The following AGAP1 variants were observed in gnomAD, a reference collection of about 807,000 sequenced individuals.
AGAP1 encodes the protein ArfGAP with GTPase domain, ankyrin repeat and PH domain 1, also known as arf-GAP with GTPase, ANK repeat and PH domain-containing protein 1.
Under a neutral mutation model 105.3 loss-of-function variants are expected in AGAP1, and 29 were observed. That is an observed-to-expected ratio of 0.28 (90% CI 0.21 to 0.38). AGAP1 has a LOEUF of 0.38. AGAP1 is among the 10% of genes least tolerant of loss of function. AGAP1 has a pLI of 1.00. For missense variants in AGAP1, 998 were observed against 1,165.1 expected, an observed-to-expected ratio of 0.86 and a Z score of 2.09; for synonymous variants, 509 against 485.9, an observed-to-expected ratio of 1.05 and a Z score of -0.63.
chr2:235,772,430 C>T (rs1296329027), intron 6 of AGAP1, among the ~76,000 whole-genome samples: 1 of 152,166 alleles, frequency 6.6e-6, no homozygotes, highest in Non-Finnish European at 1.5e-5. Flanking sequence ...CACCAGCAGG[C>T]GCATGTATTC....
chr2:235,557,097 T>G lies in AGAP1; in HGVS notation c.163+62248T>G, dbSNP rs1444205540. 3.3e-5 allele frequency among the ~76,000 whole-genome samples: 5 copies of G among 152,082 alleles called. No homozygotes were observed. Among genetic ancestry groups the G allele is most frequent in the Non-Finnish European group, 5.9e-5 (4 of 68,008 alleles). ...TAGGGGACTGGGTCCTGGGGTGAGC[T>G]CTGGAGCCCGTGGGTCTGGTTGTCT... On this transcript the variant is annotated intron_variant, in intron 1 of 17. Transcript: ENST00000304032. This position sits in a 1 kb window ranked among gnomAD's most constrained non-coding sequence, Gnocchi z 4.7.
intron 1 of AGAP1, among the ~76,000 whole-genome samples, chr2:235,543,656 G>C (rs776470029): frequency 6.6e-6 from 1 of 152,154 alleles, no homozygotes; most frequent in Non-Finnish European, 1.5e-5. Context: ...AGGGCAGGTG[G>C]GGGGTTGACC....
intron 13 of AGAP1, among the ~76,000 whole-genome samples, chr2:235,974,637 G>A (rs905671186): frequency 1.3e-5 from 2 of 152,178 alleles, no homozygotes; most frequent in African/African-American, 4.8e-5. Flanking sequence ...AGTCACAAAC[G>A]GGCCTCTCAC....
In AGAP1 at chr2:235,739,692, G is replaced by A. The variant is rs1203175739; in HGVS notation, c.311-1271G>A. Among the ~76,000 whole-genome samples, 2 of 152,272 alleles carry A rather than the reference G, an allele frequency of 1.3e-5. No individual in the cohort carries two copies. The highest frequency in any genetic ancestry group is 4.8e-5 in the African/African-American group (2 of 41,472). On this transcript the variant is annotated intron_variant, in intron 3 of 17. Transcript: ENST00000304032. The surrounding 1 kb of genome is among the most constrained non-coding windows in gnomAD (Gnocchi z 5.3). ...GAGCATGGCAGGAGCTCGCGGGAAC[G>A]GGCCAACGCCCCACTGCCCCAGTCA... is the stretch of plus-strand genomic sequence containing the variant.
At chr2:235,525,666 GGAGGACTGATTTATAAAGTA>G (rs1942806456) in intron 1 of AGAP1, among the ~76,000 whole-genome samples, 3 of 128,288 alleles carry the variant, frequency 2.3e-5, no homozygotes. Context: ...CACATAATGT[GGAGGACTGATTTATAAAGTA>G]GAGGACTGAT....
At chr2:235,670,862 G>C (rs1361369234) in intron 1 of AGAP1, 1 of 1,384,736 alleles carries the variant, frequency 7.2e-7, no homozygotes, top group Admixed American at 3.3e-5. Flanking sequence ...GGCGGCGGCC[G>C]GGGCCGGCGC....
At chr2:236,030,817 T>TA (rs1300609711) in intron 13 of AGAP1, among the ~76,000 whole-genome samples, 1 of 152,110 alleles carries the variant, frequency 6.6e-6, no homozygotes, top group East Asian at 1.9e-4. Context: ...AGCGAAGTGT[T>TA]AAAGGTGGGC....
In AGAP1 at chr2:236,073,854, C is replaced by A. The variant is rs979368625; in HGVS notation, c.2114+24573C>A. ...AATCTGCAGGAGACCTGCAGCCCCC[C>A]ACCAGACCCCCAGAATCACACTATG... On this transcript the variant is annotated intron_variant, in intron 16 of 17. Coordinates refer to ENST00000304032, the MANE Select transcript of AGAP1 (RefSeq NM_001037131.3). The surrounding 1 kb of genome is among the most constrained non-coding windows in gnomAD (Gnocchi z 5.4). 1.4e-4 allele frequency among the ~76,000 whole-genome samples: 21 copies of A among 152,156 alleles called. 1 individual carries two copies. The highest frequency in any genetic ancestry group is 4.3e-4 in the African/African-American group (18 of 41,448).
intron 6 of AGAP1, among the ~76,000 whole-genome samples, chr2:235,761,396 A>G (rs1334712695): frequency 6.6e-6 from 1 of 152,184 alleles, no homozygotes; most frequent in Non-Finnish European, 1.5e-5. Context: ...AATGTTCTCT[A>G]TTTTGATTTT....
At position 235,700,817 on chromosome 2, in the gene AGAP1, C is replaced by G. The variant is rs966341896; in HGVS notation, c.164-8362C>G. Among the ~76,000 whole-genome samples, 2 of 149,824 alleles carry G rather than the reference C, an allele frequency of 1.3e-5. 1 individual carries two copies. The highest frequency in any genetic ancestry group is 4.2e-4 in the South Asian group (2 of 4,768). On this transcript the variant is annotated intron_variant, in intron 1 of 17. Coordinates refer to ENST00000304032, the MANE Select transcript of AGAP1 (RefSeq NM_001037131.3). This position sits in a 1 kb window ranked among gnomAD's most constrained non-coding sequence, Gnocchi z 6.1. ...TCTGTCTCTGTCTCTCTCTCTCTCT[C>G]TCTGTGTATATATAGTATATATTAT...
intron 11 of AGAP1, among the ~76,000 whole-genome samples, chr2:235,929,107 C>T (rs1324360486): frequency 6.6e-6 from 1 of 152,236 alleles, no homozygotes; most frequent in African/African-American, 2.4e-5. Flanking sequence ...GGAGCCCAGA[C>T]CCGAGGCTTC....
At position 235,988,116 on chromosome 2, in the gene AGAP1, C is replaced by T. The variant is rs1327192856; in HGVS notation, c.1645+19493C>T. ...GGAGTGTGGTGGCATGATCTCGGCT[C>T]ACTGAAGCCTCCACCTCCAAAGTTC... On this transcript the variant is annotated intron_variant, in intron 13 of 17. Coordinates refer to ENST00000304032, the MANE Select transcript of AGAP1 (RefSeq NM_001037131.3). The surrounding 1 kb of genome is among the most constrained non-coding windows in gnomAD (Gnocchi z 4.7). 6.6e-6 allele frequency among the ~76,000 whole-genome samples: 1 copy of T among 152,178 alleles called. No individual in the cohort carries two copies. The highest frequency in any genetic ancestry group is 1.5e-5 in the Non-Finnish European group (1 of 68,036).
In AGAP1 at chr2:235,981,244, A is replaced by G. The variant is rs1329732420; in HGVS notation, c.1645+12621A>G. Among the ~76,000 whole-genome samples, 1 of 152,086 alleles carries G rather than the reference A, an allele frequency of 6.6e-6. No homozygotes were observed. Among genetic ancestry groups the G allele is most frequent in the Admixed American group, 6.5e-5 (1 of 15,270 alleles). ...GCATTGCTCCAGCAGGTATTTCAAT[A>G]ACTTGATTTGACTCTTCTTAATTAA... On this transcript the variant is annotated intron_variant, in intron 13 of 17. Transcript: ENST00000304032. The surrounding 1 kb of genome is among the most constrained non-coding windows in gnomAD (Gnocchi z 5.5).
At chr2:235,894,795 G>A (rs2050725500) in intron 10 of AGAP1, among the ~76,000 whole-genome samples, 1 of 152,128 alleles carries the variant, frequency 6.6e-6, no homozygotes, top group African/African-American at 2.4e-5. Context: ...TCTCTTAGCT[G>A]ATCCTTCTGG....
At position 236,050,659 on chromosome 2, in the gene AGAP1, A is replaced by G. The variant is rs2057870547; in HGVS notation, c.2114+1378A>G. Among the ~76,000 whole-genome samples the G allele has an allele frequency of 6.6e-6, 1 of 152,230 alleles. No individual in the cohort carries two copies. The highest frequency in any genetic ancestry group is 1.5e-5 in the Non-Finnish European group (1 of 68,042). ...AACTTGGGTCTGAAAATGAAAAATG[A>G]TTGGAAATTAGATTGAGCTTAATAT... On this transcript the variant is annotated intron_variant, in intron 16 of 17. Transcript: ENST00000304032. The surrounding 1 kb of genome is among the most constrained non-coding windows in gnomAD (Gnocchi z 4.0).
At chr2:235,838,971 T>C (rs1257620757) in intron 9 of AGAP1, among the ~76,000 whole-genome samples, 1 of 152,160 alleles carries the variant, frequency 6.6e-6, no homozygotes, top group Non-Finnish European at 1.5e-5. Context: ...GTTGGAAACA[T>C]AAAGCCATTC....
rs1420116869 is a variant in AGAP1, at chr2:235,872,979, T to A, written c.1051-10366T>A. 6.6e-6 allele frequency among the ~76,000 whole-genome samples: 1 copy of A among 152,162 alleles called. No homozygotes were observed. Among genetic ancestry groups the A allele is most frequent in the Non-Finnish European group, 1.5e-5 (1 of 68,014 alleles). ...AAAGTCCCCACTGGCTCAGTGCAGC[T>A]CTGGAATTAGGAACCAGCCGTGCCC... On this transcript the variant is annotated intron_variant, in intron 9 of 17. Coordinates refer to ENST00000304032, the MANE Select transcript of AGAP1 (RefSeq NM_001037131.3). This position sits in a 1 kb window ranked among gnomAD's most constrained non-coding sequence, Gnocchi z 4.5.
rs973020407 is a variant in AGAP1 at position 235,566,446 on chromosome 2, C to T, written c.163+71597C>T. The T allele has an allele frequency of 9.3e-6, 4 of 429,082 alleles. No individual in the cohort carries two copies. The highest frequency in any genetic ancestry group is 1.6e-4 in the East Asian group (1 of 6,340). The allele number at this position is 429,082 out of a possible 1,614,324, so 26.6% of individuals were successfully genotyped here. On this transcript the variant is annotated intron_variant, in intron 1 of 17. Coordinates refer to ENST00000304032, the MANE Select transcript of AGAP1 (RefSeq NM_001037131.3). The surrounding 1 kb of genome is among the most constrained non-coding windows in gnomAD (Gnocchi z 5.2). ...GCATGCATAGCTGCTATTATTAACTCGAGATCAATATTGATTTACTGTTTT... is the reference window on the plus strand; with the variant it reads ...GCATGCATAGCTGCTATTATTAACTTGAGATCAATATTGATTTACTGTTTT...
intron 6 of AGAP1, among the ~76,000 whole-genome samples, chr2:235,771,605 A>G (rs2675125): frequency 0.25 from 38,565 of 152,082 alleles, 5,279 homozygotes; most frequent in Admixed American, 0.4. Context: ...AGTGATCCCC[A>G]CCTGGAGAGG....
Sources: allele counts gnomAD v4.1 joint callset (sites outside exome capture counted in the v4.1 genomes callset), GRCh38; gene constraint gnomAD v4.1.1; non-coding constraint Gnocchi (gnomAD v3.1); transcripts MANE v1.5; gene names NCBI Gene and HGNC (gene_info 2026-07-23, HGNC 2026-07-21).